KCND2: variants seen among roughly 807,000 people sequenced by gnomAD.
KCND2 encodes the protein potassium voltage-gated channel subfamily D member 2, also known as A-type voltage-gated potassium channel KCND2.
KCND2 carries 16 observed loss-of-function variants against 54.4 expected under a neutral mutation model. That is an observed-to-expected ratio of 0.29 (90% CI 0.20 to 0.45). The LOEUF (loss-of-function observed/expected upper bound fraction) is 0.45, where lower values mean the gene tolerates loss of function less well. Ranked by LOEUF, KCND2 falls within the 20% of genes least tolerant of loss-of-function variation. The pLI is 1.00. For synonymous variants in KCND2, 317 were observed against 310.7 expected (o/e 1.02, Z -0.21); for missense variants, 486 against 824.2 (o/e 0.59, Z 5.02).
intron 1 of KCND2, among the ~76,000 whole-genome samples, chr7:120,590,596 T>C (rs762528983): frequency 6.6e-6 from 1 of 152,336 alleles, no homozygotes; most frequent in African/African-American, 2.4e-5. Flanking sequence ...TGTAATTTTG[T>C]GTCTGTATTT....
intron 1 of KCND2, among the ~76,000 whole-genome samples, chr7:120,721,292 A>G (rs1792662558): frequency 6.6e-6 from 1 of 152,152 alleles, no homozygotes; most frequent in Non-Finnish European, 1.5e-5. Flanking sequence ...GATCCTCTTC[A>G]TGTATATATT....
intron 1 of KCND2, among the ~76,000 whole-genome samples, chr7:120,530,739 CTTTG>C (rs750442097): frequency 2.6e-4 from 39 of 152,084 alleles, no homozygotes; most frequent in African/African-American, 7.2e-4. Context: ...TTCTACCTCA[CTTTG>C]TTTGACCATT....
rs565041342 is a variant in KCND2, at chr7:120,611,107, T to C, written c.1116-121796T>C. ...GCCTCCAGCAGCCCTCTTGAAGTCA[T>C]GTACTGCACCATTAAATGAAAGCTG... On this transcript the variant is annotated intron_variant, in intron 1 of 5. Coordinates refer to ENST00000331113, the MANE Select transcript of KCND2 (RefSeq NM_012281.3). Among the ~76,000 whole-genome samples, 3 of 152,352 alleles carry C rather than the reference T, an allele frequency of 2.0e-5. No homozygotes were observed. The South Asian group carries it at 6.2e-4, about 32-fold the overall frequency.
At chr7:120,340,034 C>A (rs1236114637) in intron 1 of KCND2, among the ~76,000 whole-genome samples, 1 of 152,154 alleles carries the variant, frequency 6.6e-6, no homozygotes, top group African/African-American at 2.4e-5. Context: ...TAATCATATT[C>A]ACTGTAGTGT....
chr7:120,307,299 T>A (rs1391370070), intron 1 of KCND2, among the ~76,000 whole-genome samples: 1 of 152,074 alleles, frequency 6.6e-6, no homozygotes, highest in Non-Finnish European at 1.5e-5. Context: ...GAGGGGAATT[T>A]TCAGCATAAA....
chr7:120,680,097 G>A (rs890424713), intron 1 of KCND2, among the ~76,000 whole-genome samples: 37 of 152,070 alleles, frequency 2.4e-4, no homozygotes, highest in African/African-American at 8.9e-4. Context: ...ATCTAAAGGA[G>A]AGCATTCATT....
chr7:120,412,704 G>A (rs1158680904), intron 1 of KCND2, among the ~76,000 whole-genome samples: 1 of 152,058 alleles, frequency 6.6e-6, no homozygotes. Context: ...CACTGAAGCT[G>A]TAGTGTTTGA....
intron 1 of KCND2, among the ~76,000 whole-genome samples, chr7:120,546,214 G>A (rs932705211): frequency 5.9e-5 from 9 of 151,864 alleles, no homozygotes; most frequent in Non-Finnish European, 1.0e-4. Context: ...AAAATCAAAT[G>A]TATTAATGGG....
At chr7:120,340,643 G>A (rs2116365041) in intron 1 of KCND2, among the ~76,000 whole-genome samples, 1 of 152,268 alleles carries the variant, frequency 6.6e-6, no homozygotes, top group East Asian at 1.9e-4. Flanking sequence ...AGCCAAGTAT[G>A]GTAAGAATTG....
intron 1 of KCND2, among the ~76,000 whole-genome samples, chr7:120,730,821 T>C (rs1792797185): frequency 6.6e-6 from 1 of 152,168 alleles, no homozygotes; most frequent in Non-Finnish European, 1.5e-5. Flanking sequence ...CATCTCCATA[T>C]TGACACACAT....
intron 1 of KCND2, among the ~76,000 whole-genome samples, chr7:120,630,323 C>G (rs1793218053): frequency 6.6e-6 from 1 of 152,060 alleles, no homozygotes; most frequent in Admixed American, 6.5e-5. Context: ...AGGCAGAATC[C>G]ATAGACAGTG....
chr7:120,420,215 G>A (rs369537960), intron 1 of KCND2, among the ~76,000 whole-genome samples: 35 of 152,102 alleles, frequency 2.3e-4, no homozygotes, highest in African/African-American at 8.2e-4. Flanking sequence ...AATTATTAAC[G>A]ATTAATATTG....
chr7:120,700,746 T>C lies in KCND2; in HGVS notation c.1116-32157T>C, dbSNP rs188160907. Reference sequence around the variant, plus strand: ...AAGCTGTTTTTTGATGGTTAAGATTTATTTGTTCAGTAAGTATTTATTGAA... The same window carrying C: ...AAGCTGTTTTTTGATGGTTAAGATTCATTTGTTCAGTAAGTATTTATTGAA... On this transcript the variant is annotated intron_variant, in intron 1 of 5. Transcript: ENST00000331113. 2.1e-3 allele frequency among the ~76,000 whole-genome samples: 317 copies of C among 152,358 alleles called. 3 individuals carry two copies. The highest frequency in any genetic ancestry group is 4.9e-3 in the Admixed American group (75 of 15,304).
intron 1 of KCND2, among the ~76,000 whole-genome samples, chr7:120,484,168 C>T (rs562242303): frequency 2.0e-5 from 3 of 152,138 alleles, no homozygotes; most frequent in Admixed American, 6.6e-5. Flanking sequence ...ATAGGAAATG[C>T]GGGCAGGACT....
At position 120,281,721 on chromosome 7, in the gene KCND2, C is replaced by T. The variant is rs985013421; in HGVS notation, c.1115+5974C>T. Among the ~76,000 whole-genome samples, 8 of 152,062 alleles carry T rather than the reference C, an allele frequency of 5.3e-5. No homozygotes were observed. The East Asian group carries it at 5.8e-4, about 11-fold the overall frequency. ...CCTTCTGGGGAGTTATTACCTAGTTCGGTGCTCAAATGTAGGAAAATATCT... is the reference window on the plus strand; with the variant it reads ...CCTTCTGGGGAGTTATTACCTAGTTTGGTGCTCAAATGTAGGAAAATATCT... On this transcript the variant is annotated intron_variant, in intron 1 of 5. Transcript: ENST00000331113.
At chr7:120,653,377 C>A (rs1300681029) in intron 1 of KCND2, among the ~76,000 whole-genome samples, 1 of 151,902 alleles carries the variant, frequency 6.6e-6, no homozygotes, top group Non-Finnish European at 1.5e-5. Flanking sequence ...TTGAAAAGAA[C>A]CCCCAGAGAT....
At chr7:120,275,831 G>T (rs1203261021) in intron 1 of KCND2, 84 bp downstream of exon 1, 1 of 1,424,118 alleles carries the variant, frequency 7.0e-7, no homozygotes, top group Non-Finnish European at 9.7e-7. Context: ...GGTAACTCCG[G>T]GGAAATCATT....
At chr7:120,515,327 CTG>C (rs1037780164) in intron 1 of KCND2, among the ~76,000 whole-genome samples, 4 of 152,090 alleles carry the variant, frequency 2.6e-5, no homozygotes, top group African/African-American at 9.7e-5. Flanking sequence ...GGGAATATTC[CTG>C]TCTCATGAGT....
intron 1 of KCND2, among the ~76,000 whole-genome samples, chr7:120,549,235 T>C (rs1188589753): frequency 6.6e-6 from 1 of 152,124 alleles, no homozygotes; most frequent in Non-Finnish European, 1.5e-5. Flanking sequence ...TGTTGGAAAT[T>C]AGCAAGCATG....
Sources: allele counts gnomAD v4.1 joint callset (sites outside exome capture counted in the v4.1 genomes callset), GRCh38; gene constraint gnomAD v4.1.1; transcripts MANE v1.5; gene names NCBI Gene and HGNC (gene_info 2026-07-23, HGNC 2026-07-21).